FAM13A: variants seen among roughly 807,000 people sequenced by gnomAD.
FAM13A encodes protein FAM13A.
FAM13A carries 76 observed loss-of-function variants against 129.6 expected under a neutral mutation model. That is an observed-to-expected ratio of 0.59 (90% CI 0.49 to 0.71). The LOEUF is 0.71. Among genes scored for constraint, FAM13A ranks in the 30% least tolerant of loss-of-function variants. The pLI is 0.00. For missense variants in FAM13A, 1,108 were observed against 1,249.3 expected (o/e 0.89, Z 1.70); for synonymous variants, 443 against 449.9 (o/e 0.98, Z 0.20).
intron 2 of FAM13A, 120 bp downstream of exon 2, chr4:89,029,340 T>G (rs1039214162): frequency 1.3e-6 from 1 of 788,990 alleles, no homozygotes. Context: ...AATAACTTAA[T>G]ATTCTAATGA....
At chr4:88,782,033 T>C (rs1026299949) in intron 10 of FAM13A, among the ~76,000 whole-genome samples, 1 of 151,374 alleles carries the variant, frequency 6.6e-6, no homozygotes, top group Middle Eastern at 3.4e-3. Flanking sequence ...AAAAAAGAAA[T>C]GTGTATTTCA....
At chr4:89,047,670 G>C (rs1331048916) in intron 1 of FAM13A, among the ~76,000 whole-genome samples, 1 of 152,148 alleles carries the variant, frequency 6.6e-6, no homozygotes, top group African/African-American at 2.4e-5. Context: ...TGGCACAGTA[G>C]TGTTACTACA....
At chr4:88,970,860 A>G (rs949886550) in intron 4 of FAM13A, among the ~76,000 whole-genome samples, 1 of 152,208 alleles carries the variant, frequency 6.6e-6, no homozygotes, top group Non-Finnish European at 1.5e-5. Flanking sequence ...AATGACTTGG[A>G]AATAATAACA....
At chr4:88,950,943 C>A (rs1478673405) in intron 4 of FAM13A, among the ~76,000 whole-genome samples, 4 of 152,052 alleles carry the variant, frequency 2.6e-5, no homozygotes, top group Non-Finnish European at 5.9e-5. Flanking sequence ...TTTCAGAGAA[C>A]CTGCATTAGA....
intron 5 of FAM13A, among the ~76,000 whole-genome samples, chr4:88,930,000 A>G (rs1420013960): frequency 1.3e-5 from 2 of 151,950 alleles, no homozygotes; most frequent in African/African-American, 2.4e-5. Context: ...CAGCCTCCCA[A>G]AGTGCTGGGA....
intron 4 of FAM13A, among the ~76,000 whole-genome samples, chr4:88,972,933 T>C (rs755670710): frequency 4.5e-4 from 68 of 152,168 alleles, no homozygotes; most frequent in Non-Finnish European, 6.3e-4. Flanking sequence ...TATAATTTTA[T>C]AGGGTACAAC....
At chr4:88,944,894 ACT>A (rs1755412541) in intron 4 of FAM13A, among the ~76,000 whole-genome samples, 1 of 138,342 alleles carries the variant, frequency 7.2e-6, no homozygotes, top group East Asian at 2.0e-4. Flanking sequence ...CAAGAGCGAA[ACT>A]CTGTCTCAAA....
At chr4:88,969,010 C>T (rs1188612441) in intron 4 of FAM13A, among the ~76,000 whole-genome samples, 1 of 152,034 alleles carries the variant, frequency 6.6e-6, no homozygotes, top group East Asian at 1.9e-4. Flanking sequence ...CCAAAGAGGT[C>T]ATATCATTGA....
At chr4:88,815,189 C>T (rs917447072) in intron 7 of FAM13A, among the ~76,000 whole-genome samples, 2 of 152,060 alleles carry the variant, frequency 1.3e-5, no homozygotes, top group African/African-American at 4.8e-5. Flanking sequence ...CCATGTTTTC[C>T]TGAGCTTGGT....
intron 4 of FAM13A, among the ~76,000 whole-genome samples, chr4:88,978,321 AT>A (rs1445520473): frequency 6.6e-6 from 1 of 152,202 alleles, no homozygotes; most frequent in African/African-American, 2.4e-5. Context: ...ATGTTTATGG[AT>A]TTACCATGAG....
intron 4 of FAM13A, among the ~76,000 whole-genome samples, chr4:88,970,691 G>A (rs1422852827): frequency 1.3e-5 from 2 of 151,946 alleles, no homozygotes; most frequent in South Asian, 4.1e-4. Flanking sequence ...ATAACGTAGA[G>A]GTTAAAGAAG....
intron 5 of FAM13A, among the ~76,000 whole-genome samples, chr4:88,924,804 A>T (rs1213151417): frequency 4.0e-5 from 6 of 151,398 alleles, no homozygotes; most frequent in Non-Finnish European, 8.9e-5. Context: ...CAACCTACTC[A>T]TCTGACAAAG....
At chr4:88,840,978 A>C (rs1735705228) in intron 7 of FAM13A, among the ~76,000 whole-genome samples, 1 of 151,878 alleles carries the variant, frequency 6.6e-6, no homozygotes, top group African/African-American at 2.4e-5. Context: ...CATATGTAAA[A>C]ACTAACTCAA....
intron 4 of FAM13A, among the ~76,000 whole-genome samples, chr4:88,974,897 A>G (rs1760693884): frequency 6.6e-6 from 1 of 152,154 alleles, no homozygotes; most frequent in Non-Finnish European, 1.5e-5. Context: ...TAGCATCTCT[A>G]TTATTAACAC....
At chr4:88,998,671 A>T (rs1763867271) in intron 3 of FAM13A, among the ~76,000 whole-genome samples, 1 of 152,240 alleles carries the variant, frequency 6.6e-6, no homozygotes, top group African/African-American at 2.4e-5. Flanking sequence ...CTACATAAGA[A>T]TAAACAAAAC....
chr4:88,918,245 T>C (rs1437216372), intron 5 of FAM13A, among the ~76,000 whole-genome samples: 1 of 152,260 alleles, frequency 6.6e-6, no homozygotes, highest in Non-Finnish European at 1.5e-5. Flanking sequence ...ATGGTAATGA[T>C]AATCAAACTA....
In FAM13A at chr4:88,920,371, G is replaced by A. The variant is rs565062255; in HGVS notation, c.760-13909C>T. Among the ~76,000 whole-genome samples the A allele has an allele frequency of 9.2e-5, 14 of 152,280 alleles. No individual in the cohort carries two copies. The South Asian group carries it at 2.9e-3, about 32-fold the overall frequency. On this transcript the variant is annotated intron_variant, in intron 5 of 23. Coordinates refer to ENST00000264344, the MANE Select transcript of FAM13A (RefSeq NM_014883.4). ...GACAAAACTTTCAGAGGAACGATCA[G>A]ACAGCAGCATTCGCGGTTCACGAAA...
rs527412194 is a variant in FAM13A at position 88,851,190 on chromosome 4, GA to G, written c.844-8del. 1.8e-3 allele frequency: 2,398 copies of G among 1,300,906 alleles called. 1 individual carries two copies. The highest frequency in any genetic ancestry group is 3.6e-3 in the South Asian group (223 of 62,562). 80.6% of individuals were successfully genotyped at this position (1,300,906 alleles called of 1,614,324 possible). On this transcript the variant is annotated splice_region_variant and splice_polypyrimidine_tract_variant and intron_variant, in intron 6 of 23. Coordinates refer to ENST00000264344, the MANE Select transcript of FAM13A (RefSeq NM_014883.4). Reference sequence around the variant, plus strand: ...CACTCCTGGATTTTGGGATCTAGAAGAAAAAAAAAAGAGGGGTGGGGGAGAG... The same window carrying G: ...CACTCCTGGATTTTGGGATCTAGAAGAAAAAAAAAGAGGGGTGGGGGAGAG...
intron 5 of FAM13A, among the ~76,000 whole-genome samples, chr4:88,916,440 A>G (rs888891707): frequency 2.0e-5 from 3 of 152,194 alleles, no homozygotes; most frequent in Admixed American, 6.5e-5. Flanking sequence ...CACAGTACTT[A>G]TTGAGTTGAG....
Sources: gnomAD v4.1 joint callset for allele counts (sites outside exome capture counted in the v4.1 genomes callset) on GRCh38, gnomAD v4.1.1 for gene constraint, MANE v1.5 for transcripts, NCBI Gene and HGNC (gene_info 2026-07-23, HGNC 2026-07-21) for gene names.